The following EIF4G3 variants were observed in gnomAD, a reference collection of about 807,000 sequenced individuals.
EIF4G3 encodes the protein eukaryotic translation initiation factor 4 gamma 3.
A neutral mutation model predicts 186.4 loss-of-function variants in EIF4G3; 34 were observed. That is an observed-to-expected ratio of 0.18 (90% CI 0.14 to 0.24). The LOEUF (loss-of-function observed/expected upper bound fraction) is 0.24. Among genes scored for constraint, EIF4G3 ranks in the 10% least tolerant of loss-of-function variants. EIF4G3 has a pLI of 1.00. For synonymous variants in EIF4G3, 673 were observed against 679.5 expected (o/e 0.99, Z 0.15); for missense variants, 1,536 against 1,948.5 (o/e 0.79, Z 3.99).
chr1:20,963,242 TTC>T (rs925458745), intron 12 of EIF4G3, among the ~76,000 whole-genome samples: 45 of 152,342 alleles, frequency 3.0e-4, no homozygotes, highest in African/African-American at 1.1e-3. Context: ...ACCTAAATTT[TTC>T]TTTTTTTGAT....
At chr1:21,003,701 A>T (rs527850521) in intron 4 of EIF4G3, 3 of 375,048 alleles carry the variant, frequency 8.0e-6, no homozygotes, top group African/African-American at 6.5e-5. Flanking sequence ...GTTGCACATC[A>T]TATCTCAGGC....
At chr1:20,888,265 T>C (rs536283926) in intron 18 of EIF4G3, among the ~76,000 whole-genome samples, 4 of 152,170 alleles carry the variant, frequency 2.6e-5, no homozygotes, top group Non-Finnish European at 4.4e-5. Flanking sequence ...CAATAATGCT[T>C]CAAAGGAAAA....
At chr1:21,017,127 C>A (rs2089344546) in intron 4 of EIF4G3, among the ~76,000 whole-genome samples, 1 of 152,124 alleles carries the variant, frequency 6.6e-6, no homozygotes, top group African/African-American at 2.4e-5. Context: ...AAATATTATT[C>A]ATCCTTTAAA....
At chr1:20,891,472 A>G (rs529742377) in intron 18 of EIF4G3, among the ~76,000 whole-genome samples, 5 of 142,532 alleles carry the variant, frequency 3.5e-5, no homozygotes, top group African/African-American at 1.5e-4. Context: ...AATAATACTG[A>G]AAAAAAAGGT....
At chr1:21,108,702 G>A (rs1300602900) in intron 2 of EIF4G3, among the ~76,000 whole-genome samples, 5 of 150,804 alleles carry the variant, frequency 3.3e-5, no homozygotes, top group East Asian at 2.0e-4. Context: ...TCAGGTGTTC[G>A]AGACCAGTCT....
intron 14 of EIF4G3, among the ~76,000 whole-genome samples, chr1:20,927,606 A>G (rs545040858): frequency 1.1e-3 from 174 of 152,312 alleles, no homozygotes; most frequent in Admixed American, 3.6e-3. Context: ...ATGAATGGTT[A>G]GATAGCTGGA....
intron 4 of EIF4G3, among the ~76,000 whole-genome samples, chr1:21,016,233 C>A (rs2088997209): frequency 6.6e-6 from 1 of 152,176 alleles, no homozygotes. Context: ...ATATTTATAA[C>A]TTCATGATTT....
At position 21,141,376 on chromosome 1, in the gene EIF4G3, T is replaced by TG. The variant is rs1241166670; in HGVS notation, c.-272+34798_-272+34799insC. ...TTCTATTTGAGAAAAATATTTTTTC[T>TG]TTGTGTGTGTGTGTGTGTGTGTATG... On this transcript the variant is annotated intron_variant, in intron 2 of 36. Transcript: ENST00000602326. Among the ~76,000 whole-genome samples the TG allele has an allele frequency of 3.5e-3, 190 of 54,266 alleles. 1 individual carries two copies. Among genetic ancestry groups the TG allele is most frequent in the African/African-American group, 9.5e-3 (179 of 18,808 alleles). 35.6% of individuals were successfully genotyped at this position (54,266 alleles called of 152,430 possible). A position where few individuals can be genotyped will look rare whatever the true frequency, so the allele number is the denominator to read the frequency against.
intron 12 of EIF4G3, among the ~76,000 whole-genome samples, chr1:20,955,952 C>A (rs1382642645): frequency 6.6e-6 from 1 of 152,090 alleles, no homozygotes; most frequent in Non-Finnish European, 1.5e-5. Flanking sequence ...AATTGGGTAT[C>A]TAACCTGAAG....
intron 36 of EIF4G3, among the ~76,000 whole-genome samples, chr1:20,808,291 A>T (rs143922390): frequency 6.6e-6 from 1 of 151,974 alleles, no homozygotes; most frequent in African/African-American, 2.4e-5. Context: ...TCTTTTTACT[A>T]TTTTCTGCGC....
intron 10 of EIF4G3, among the ~76,000 whole-genome samples, chr1:20,978,140 A>C (rs1256165598): frequency 6.6e-6 from 1 of 152,200 alleles, no homozygotes; most frequent in African/African-American, 2.4e-5. Flanking sequence ...GTTACTCTCA[A>C]AAATAATTAC....
At chr1:21,000,962 TA>T (rs1216304382) in intron 6 of EIF4G3, among the ~76,000 whole-genome samples, 4 of 152,196 alleles carry the variant, frequency 2.6e-5, no homozygotes, top group African/African-American at 9.6e-5. Flanking sequence ...AAGTTTAAAA[TA>T]AAGAAAAATC....
intron 29 of EIF4G3, among the ~76,000 whole-genome samples, chr1:20,847,437 T>C (rs2071518809): frequency 6.6e-6 from 1 of 152,192 alleles, no homozygotes; most frequent in Admixed American, 6.5e-5. Flanking sequence ...TATTGTACTC[T>C]TTAGGTGTTA....
chr1:21,141,038 ATATT>A (rs2097328822), intron 2 of EIF4G3, among the ~76,000 whole-genome samples: 2 of 152,230 alleles, frequency 1.3e-5, no homozygotes, highest in South Asian at 2.1e-4. Flanking sequence ...ATTACAGTTT[ATATT>A]TATTCAGCTA....
chr1:21,172,379 C>T (rs1240786804), intron 2 of EIF4G3, among the ~76,000 whole-genome samples: 1 of 152,132 alleles, frequency 6.6e-6, no homozygotes, highest in Non-Finnish European at 1.5e-5. Context: ...TTACCCACCT[C>T]TAACCAAAAG....
intron 18 of EIF4G3, among the ~76,000 whole-genome samples, chr1:20,891,898 T>C (rs1233716905): frequency 2.6e-5 from 4 of 151,852 alleles, no homozygotes; most frequent in African/African-American, 9.7e-5. Flanking sequence ...TTCCTGAAAA[T>C]AGATAAATGT....
At chr1:20,939,996 A>G (rs2095657064) in intron 14 of EIF4G3, among the ~76,000 whole-genome samples, 1 of 151,914 alleles carries the variant, frequency 6.6e-6, no homozygotes, top group African/African-American at 2.4e-5. Flanking sequence ...CTGGGACTAC[A>G]GGCCCACACT....
At chr1:20,962,654 T>C (rs1375806300) in intron 12 of EIF4G3, among the ~76,000 whole-genome samples, 5 of 152,176 alleles carry the variant, frequency 3.3e-5, no homozygotes, top group African/African-American at 1.2e-4. Flanking sequence ...TCAAGGTTTA[T>C]GGCAATGCAC....
chr1:21,165,076 C>T (rs1445314167), intron 2 of EIF4G3, among the ~76,000 whole-genome samples: 1 of 152,106 alleles, frequency 6.6e-6, no homozygotes, highest in African/African-American at 2.4e-5. Flanking sequence ...CACACAAAAA[C>T]ATGCTCAACT....
Sources: gnomAD v4.1 joint callset for allele counts (sites outside exome capture counted in the v4.1 genomes callset) on GRCh38, gnomAD v4.1.1 for gene constraint, MANE v1.5 for transcripts, NCBI Gene and HGNC (gene_info 2026-07-23, HGNC 2026-07-21) for gene names.